Variants in LGSN observed in about 807,000 individuals in gnomAD.
LGSN encodes lengsin, lens protein with glutamine synthetase domain, also known as lengsin.
In LGSN, 21 loss-of-function variants were observed where a neutral mutation model predicts 19.5. The observed-to-expected ratio is 1.07, with a 90% CI of 0.76 to 1.55. The LOEUF is 1.55. LGSN is among the 40% of genes most tolerant of loss of function. The pLI, the probability that LGSN is intolerant of heterozygous loss-of-function variation, is 0.00. For missense variants in LGSN, 673 were observed against 608.5 expected (o/e 1.11, Z -1.12); for synonymous variants, 257 against 215.6 (o/e 1.19, Z -1.68).
chr6:63,513,371 A>G, the LGSN span, among the ~76,000 whole-genome samples: 4 of 151,922 alleles, frequency 2.6e-5, no homozygotes, highest in African/African-American at 9.7e-5. Context: ...ATTATCCAAC[A>G]AAGTGTTATG....
At chr6:63,346,577 G>T in the LGSN span, among the ~76,000 whole-genome samples, 1 of 152,104 alleles carries the variant, frequency 6.6e-6, no homozygotes, top group East Asian at 1.9e-4. Context: ...TGAGTTCTGT[G>T]AGCCACTCTA....
chr6:63,555,692 CTT>C, the LGSN span, among the ~76,000 whole-genome samples: 9,724 of 134,720 alleles, frequency 0.072, 244 homozygotes, highest in East Asian at 0.14. Flanking sequence ...CAATTACACT[CTT>C]TTTTTTTTTT....
intron 1 of LGSN, among the ~76,000 whole-genome samples, chr6:63,304,223 C>T (rs889200026): frequency 6.6e-6 from 1 of 152,194 alleles, no homozygotes; most frequent in Non-Finnish European, 1.5e-5. Context: ...CTTCTTTTAA[C>T]GTACATCCTA....
the LGSN span, among the ~76,000 whole-genome samples, chr6:63,542,280 G>A: frequency 2.0e-5 from 3 of 152,024 alleles, no homozygotes; most frequent in Non-Finnish European, 4.4e-5. Context: ...GGGGGAAAGG[G>A]TGGGAAGAGG....
At chr6:63,446,914 C>A in the LGSN span, among the ~76,000 whole-genome samples, 3 of 152,042 alleles carry the variant, frequency 2.0e-5, no homozygotes, top group African/African-American at 7.2e-5. Context: ...CCAGGTGTGG[C>A]AGCGGGAGCC....
At chr6:63,412,499 A>AG in the LGSN span, among the ~76,000 whole-genome samples, 7 of 106,022 alleles carry the variant, frequency 6.6e-5, no homozygotes, top group African/African-American at 2.3e-4. Flanking sequence ...AGAAAGAAAG[A>AG]AAGAAAGAAA....
chr6:63,367,244 G>GA, the LGSN span, among the ~76,000 whole-genome samples: 10 of 152,068 alleles, frequency 6.6e-5, no homozygotes, highest in East Asian at 5.8e-4. Context: ...AAATTTACAA[G>GA]AAAAAATCAA....
chr6:63,508,676 G>A, the LGSN span, among the ~76,000 whole-genome samples: 3 of 152,164 alleles, frequency 2.0e-5, no homozygotes, highest in Non-Finnish European at 4.4e-5. Flanking sequence ...CAGCATTTTG[G>A]GAGGCCGAGG....
intron 3 of LGSN, among the ~76,000 whole-genome samples, chr6:63,281,589 G>A (rs1767325625): frequency 6.6e-6 from 1 of 151,936 alleles, no homozygotes; most frequent in African/African-American, 2.4e-5. Context: ...CATCAAAAGT[G>A]CTTCCTGAAG....
chr6:63,306,196 C>T (rs968488502), intron 1 of LGSN, among the ~76,000 whole-genome samples: 1 of 152,106 alleles, frequency 6.6e-6, no homozygotes, highest in African/African-American at 2.4e-5. Flanking sequence ...TTTATTATCA[C>T]CTACATTTTT....
the LGSN span, among the ~76,000 whole-genome samples, chr6:63,505,633 G>GAAAGAAAGAAAGAAAGAAATAAAT: frequency 2.1e-5 from 2 of 97,200 alleles, 1 homozygote; most frequent in African/African-American, 8.1e-5. Context: ...AAGAAAGAAA[G>GAAAGAAAGAAAGAAAGAAATAAAT]AAATTCTGGC....
chr6:63,511,601 C>G, the LGSN span, among the ~76,000 whole-genome samples: 1 of 152,140 alleles, frequency 6.6e-6, no homozygotes, highest in African/African-American at 2.4e-5. Flanking sequence ...GAAATCATTA[C>G]CTGGGCATTT....
Position 63,280,837 on chromosome 6 carries a change from G to C in LGSN, c.714C>G (p.Pro238=). 1 of 1,614,070 alleles carries C rather than the reference G, an allele frequency of 6.2e-7. No homozygotes were observed. Among genetic ancestry groups the C allele is most frequent in the Non-Finnish European group, 8.5e-7 (1 of 1,180,004 alleles). ...ALTFLNNHDQ[P]FMQELVDGLY... The stretch of plus-strand genomic sequence containing the variant: ...AGCCATCAACAAGTTCCTGCATGAA[G>C]GGCTGATCATGGTTATTTAAAAATG... Residue 238 remains proline, a synonymous_variant, in exon 4 of 4, where the codon CCC becomes CCG. Coordinates refer to ENST00000370657, the MANE Select transcript of LGSN (RefSeq NM_016571.3).
the LGSN span, among the ~76,000 whole-genome samples, chr6:63,412,517 A>AGAAG: frequency 8.3e-3 from 834 of 100,948 alleles, no homozygotes; most frequent in Non-Finnish European, 0.013. Flanking sequence ...AAAGAAAGAA[A>AGAAG]GAAAGAAAGA....
At chr6:63,385,987 C>A in the LGSN span, among the ~76,000 whole-genome samples, 74 of 152,112 alleles carry the variant, frequency 4.9e-4, no homozygotes, top group Admixed American at 1.0e-3. Context: ...ATTCATTATT[C>A]TACCCAATTA....
intron 1 of LGSN, among the ~76,000 whole-genome samples, chr6:63,316,883 A>T (rs1768888429): frequency 6.6e-6 from 1 of 152,092 alleles, no homozygotes; most frequent in Non-Finnish European, 1.5e-5. Context: ...ATATAAAAAT[A>T]CTGCAAATAT....
rs199657520 is a variant in LGSN, at chr6:63,281,280, C to T, written c.331-60G>A. ...GAAAACAAACAAAAGGGTCGGGGGG[C>T]GGCGGGAAAGCCTTGCTAATGAAAA... On this transcript the variant is annotated intron_variant, in intron 3 of 3. Transcript: ENST00000370657. 5,801 of 1,169,094 alleles carry T rather than the reference C, an allele frequency of 5.0e-3. 27 individuals carry two copies. The highest frequency in any genetic ancestry group is 5.8e-3 in the Non-Finnish European group (5,314 of 911,622). 72.4% of individuals were successfully genotyped at this position (1,169,094 alleles called of 1,614,324 possible).
chr6:63,344,704 G>A, the LGSN span, among the ~76,000 whole-genome samples: 1 of 151,682 alleles, frequency 6.6e-6, no homozygotes, highest in Admixed American at 6.6e-5. Context: ...AGAGTTTAGG[G>A]CCAAATTGAT....
chr6:63,353,904 C>T, the LGSN span, among the ~76,000 whole-genome samples: 1 of 151,962 alleles, frequency 6.6e-6, no homozygotes, highest in African/African-American at 2.4e-5. Flanking sequence ...AAAGGGACAC[C>T]GTCTTCAATA....
Sources: gnomAD v4.1 joint callset for allele counts (sites outside exome capture counted in the v4.1 genomes callset) on GRCh38, gnomAD v4.1.1 for gene constraint, MANE v1.5 for transcripts, NCBI Gene and HGNC (gene_info 2026-07-23, HGNC 2026-07-21) for gene names.